Variants in SLC35F4 observed in about 807,000 individuals in gnomAD.
SLC35F4 encodes the protein solute carrier family 35 member F4, also known as chromosome 14 open reading frame 36.
Under a neutral mutation model 44.2 loss-of-function variants are expected in SLC35F4, and 24 were observed. The ratio of observed to expected loss-of-function variants is 0.54; its 90% CI spans 0.39 to 0.76. The LOEUF is 0.76. Ranked by LOEUF, SLC35F4 falls within the 30% of genes least tolerant of loss-of-function variation. The pLI is 0.00. For missense variants in SLC35F4, 562 were observed against 586.1 expected (o/e 0.96, Z 0.42); for synonymous variants, 238 against 223.6 (o/e 1.06, Z -0.57).
chr14:57,586,211 A>AAAAC (rs2069708803), intron 3 of SLC35F4, among the ~76,000 whole-genome samples: 1 of 152,238 alleles, frequency 6.6e-6, no homozygotes, highest in African/African-American at 2.4e-5. Flanking sequence ...AAGCCTGACA[A>AAAAC]AAACAAGCAA....
chr14:57,667,792 C>T (rs191713718), intron 1 of SLC35F4, among the ~76,000 whole-genome samples: 173 of 151,792 alleles, frequency 1.1e-3, no homozygotes, highest in African/African-American at 3.9e-3. Context: ...CCACAATAAA[C>T]ATACAGTGCA....
chr14:57,890,583 T>G (rs1888740389), intron 1 of SLC35F4, among the ~76,000 whole-genome samples: 1 of 152,178 alleles, frequency 6.6e-6, no homozygotes, highest in Admixed American at 6.5e-5. Flanking sequence ...TCAATATTCT[T>G]TTTTCCAATT....
At chr14:57,617,833 A>C (rs749196921) in intron 1 of SLC35F4, among the ~76,000 whole-genome samples, 17 of 152,214 alleles carry the variant, frequency 1.1e-4, no homozygotes, top group Non-Finnish European at 2.5e-4. Context: ...CCTGGGACTT[A>C]CTGAATGCCA....
chr14:57,600,323 C>T (rs970909034), intron 1 of SLC35F4, among the ~76,000 whole-genome samples: 21 of 152,070 alleles, frequency 1.4e-4, no homozygotes, highest in Non-Finnish European at 2.6e-4. Context: ...GAAATGTAAC[C>T]CTGGATTTTT....
intron 1 of SLC35F4, among the ~76,000 whole-genome samples, chr14:57,648,848 A>G (rs1320625009): frequency 6.6e-6 from 1 of 152,226 alleles, no homozygotes; most frequent in Non-Finnish European, 1.5e-5. Flanking sequence ...GCATAGACTT[A>G]TACTAGAAAT....
At chr14:57,811,519 G>A (rs894211551) in intron 1 of SLC35F4, among the ~76,000 whole-genome samples, 4 of 152,168 alleles carry the variant, frequency 2.6e-5, no homozygotes, top group Non-Finnish European at 4.4e-5. Context: ...TATTCTGCAG[G>A]TGTTTTCAGT....
At chr14:57,595,053 TTTGGATTTTCAC>T (rs1221264703) in intron 1 of SLC35F4, among the ~76,000 whole-genome samples, 1 of 152,206 alleles carries the variant, frequency 6.6e-6, no homozygotes, top group Non-Finnish European at 1.5e-5. Context: ...CCAAACTTTA[TTTGGATTTTCAC>T]TAGTTTTATC....
intron 1 of SLC35F4, among the ~76,000 whole-genome samples, chr14:57,773,246 A>G (rs1281111272): frequency 1.3e-5 from 2 of 152,156 alleles, no homozygotes. Flanking sequence ...GTCCTTTGTC[A>G]AAGGCATAAT....
intron 1 of SLC35F4, among the ~76,000 whole-genome samples, chr14:57,812,826 T>A (rs1294626271): frequency 6.6e-6 from 1 of 152,116 alleles, no homozygotes; most frequent in Admixed American, 6.6e-5. Context: ...TACAGTATAA[T>A]CCTATGACAT....
chr14:57,731,140 C>G (rs1469708915), intron 1 of SLC35F4, among the ~76,000 whole-genome samples: 1 of 152,084 alleles, frequency 6.6e-6, no homozygotes. Flanking sequence ...GGATGACAAC[C>G]TAGAGTTTTT....
At chr14:57,652,863 G>T (rs1002878954) in intron 1 of SLC35F4, among the ~76,000 whole-genome samples, 2 of 152,192 alleles carry the variant, frequency 1.3e-5, no homozygotes, top group Admixed American at 1.3e-4. Context: ...ATGATTTGTG[G>T]ATATTGAACC....
At chr14:57,802,197 C>G (rs2078208222) in intron 1 of SLC35F4, among the ~76,000 whole-genome samples, 2 of 152,080 alleles carry the variant, frequency 1.3e-5, no homozygotes. Context: ...CACACAACTA[C>G]ATAAAAATTG....
intron 1 of SLC35F4, among the ~76,000 whole-genome samples, chr14:57,649,293 G>T (rs1334927302): frequency 3.3e-5 from 5 of 152,292 alleles, no homozygotes; most frequent in African/African-American, 1.2e-4. Context: ...AGTTTTGGTG[G>T]TAGAAGTCTA....
intron 1 of SLC35F4, among the ~76,000 whole-genome samples, chr14:57,670,529 G>T (rs1594759530): frequency 6.6e-6 from 1 of 151,838 alleles, no homozygotes; most frequent in African/African-American, 2.4e-5. Context: ...CTGGTATGTT[G>T]TGTCTTTGTT....
intron 1 of SLC35F4, among the ~76,000 whole-genome samples, chr14:57,798,960 T>C (rs1408752193): frequency 6.6e-5 from 10 of 152,214 alleles, no homozygotes; most frequent in Non-Finnish European, 7.3e-5. Flanking sequence ...GTATCTGTTA[T>C]TTTTACCACT....
chr14:57,782,642 T>C (rs2077651636), intron 1 of SLC35F4, among the ~76,000 whole-genome samples: 1 of 152,248 alleles, frequency 6.6e-6, no homozygotes, highest in South Asian at 2.1e-4. Flanking sequence ...CACCTCTGGC[T>C]GCTGTTGCTG....
At chr14:57,642,026 T>C (rs1330265616) in intron 1 of SLC35F4, among the ~76,000 whole-genome samples, 5 of 152,028 alleles carry the variant, frequency 3.3e-5, no homozygotes, top group Admixed American at 6.6e-5. Context: ...CACAAATACA[T>C]ACTCTTATTT....
chr14:57,747,446 A>G (rs560487731), intron 1 of SLC35F4, among the ~76,000 whole-genome samples: 2 of 152,310 alleles, frequency 1.3e-5, no homozygotes, highest in South Asian at 4.1e-4. Flanking sequence ...ATATTTTCAT[A>G]TGAAACATTT....
intron 1 of SLC35F4, among the ~76,000 whole-genome samples, chr14:57,872,297 T>A (rs899176472): frequency 6.6e-6 from 1 of 152,204 alleles, no homozygotes; most frequent in African/African-American, 2.4e-5. Context: ...GCTTTTTAAA[T>A]GCCCTGAAAT....
Sources: gnomAD v4.1 joint callset for allele counts (sites outside exome capture counted in the v4.1 genomes callset) on GRCh38, gnomAD v4.1.1 for gene constraint, MANE v1.5 for transcripts, NCBI Gene and HGNC (gene_info 2026-07-23, HGNC 2026-07-21) for gene names.